Variants in MYO16 observed in about 807,000 individuals in gnomAD.
MYO16 encodes the protein myosin XVI.
MYO16 carries 94 observed loss-of-function variants against 205.3 expected under a neutral mutation model. The observed-to-expected ratio is 0.46, with a 90% confidence interval of 0.39 to 0.54. The LOEUF is 0.54. Among genes scored for constraint, MYO16 ranks in the 20% least tolerant of loss-of-function variants. The pLI is 0.00. For missense variants in MYO16, 2,315 were observed against 2,387.5 expected (o/e 0.97, Z 0.63); for synonymous variants, 988 against 954.0 (o/e 1.04, Z -0.66).
intron 16 of MYO16, among the ~76,000 whole-genome samples, chr13:108,934,386 G>A (rs7139766): frequency 0.088 from 13,453 of 152,014 alleles, 852 homozygotes; most frequent in African/African-American, 0.16. Context: ...GGCTGCTTGG[G>A]TGTCATCGTT....
intron 1 of MYO16, among the ~76,000 whole-genome samples, chr13:108,655,631 TG>T (rs1331548467): frequency 6.6e-6 from 1 of 151,940 alleles, no homozygotes; most frequent in Non-Finnish European, 1.5e-5. Flanking sequence ...ACCACACACC[TG>T]GAAAAGTCGC....
chr13:108,602,525 A>G (rs1226630527), intron 1 of MYO16, among the ~76,000 whole-genome samples: 2 of 152,176 alleles, frequency 1.3e-5, no homozygotes, highest in Non-Finnish European at 2.9e-5. Flanking sequence ...CAACATAGTC[A>G]TAGAATATGT....
chr13:109,017,631 T>A (rs1473061445), intron 22 of MYO16, among the ~76,000 whole-genome samples: 1 of 152,204 alleles, frequency 6.6e-6, no homozygotes, highest in Non-Finnish European at 1.5e-5. Context: ...TGTCACATAG[T>A]CCCATATTTT....
chr13:109,026,105 C>T (rs1222518300), intron 23 of MYO16, among the ~76,000 whole-genome samples: 1 of 152,206 alleles, frequency 6.6e-6, no homozygotes, highest in East Asian at 1.9e-4. Context: ...GATGATGCAT[C>T]CCTGTTTCAG....
chr13:108,906,870 G>A (rs1168276035), intron 15 of MYO16, among the ~76,000 whole-genome samples: 4 of 152,166 alleles, frequency 2.6e-5, no homozygotes, highest in Non-Finnish European at 5.9e-5. Flanking sequence ...AGTAGGATCC[G>A]TCATTTGACT....
chr13:108,917,187 C>T (rs11069754), intron 16 of MYO16, among the ~76,000 whole-genome samples: 47,570 of 151,982 alleles, frequency 0.31, 7,986 homozygotes, highest in Non-Finnish European at 0.37. Flanking sequence ...TGCCCTAGGC[C>T]CCCTAACTTA....
At chr13:108,733,103 G>A (rs983819633) in intron 4 of MYO16, among the ~76,000 whole-genome samples, 5 of 152,138 alleles carry the variant, frequency 3.3e-5, no homozygotes, top group African/African-American at 1.2e-4. Context: ...TGATTTGTGA[G>A]GTGATTTATT....
intron 23 of MYO16, among the ~76,000 whole-genome samples, chr13:109,041,260 T>A (rs1886875291): frequency 6.6e-6 from 1 of 152,180 alleles, no homozygotes; most frequent in Admixed American, 6.5e-5. Flanking sequence ...CAATATAGTG[T>A]CAATTTAATA....
At chr13:108,886,451 G>A (rs1369970579) in intron 13 of MYO16, 5 of 456,064 alleles carry the variant, frequency 1.1e-5, no homozygotes, top group Non-Finnish European at 2.2e-5. Flanking sequence ...TGAGGCGTGC[G>A]GACACGAGAG....
chr13:108,837,795 C>A (rs993112040), intron 9 of MYO16, among the ~76,000 whole-genome samples: 3 of 152,148 alleles, frequency 2.0e-5, no homozygotes, highest in African/African-American at 7.2e-5. Context: ...AGGAATATTT[C>A]AACTATTTTA....
chr13:108,706,605 G>T (rs796914501), intron 2 of MYO16, among the ~76,000 whole-genome samples: 23 of 152,224 alleles, frequency 1.5e-4, no homozygotes, highest in African/African-American at 5.5e-4. Flanking sequence ...AGGTAAGATT[G>T]TTTTCTATTT....
At chr13:108,725,049 T>G (rs17385205) in intron 3 of MYO16, among the ~76,000 whole-genome samples, 37,346 of 152,020 alleles carry the variant, frequency 0.25, 5,664 homozygotes, top group African/African-American at 0.44. Flanking sequence ...CTGCTTTGGA[T>G]TTCATTCATC....
chr13:108,962,349 A>C, intron 18 of MYO16, 75 bp from the exon 19 acceptor site: 1 of 1,167,692 alleles, frequency 8.6e-7, no homozygotes, highest in Non-Finnish European at 1.3e-6. Flanking sequence ...CTTATCAATT[A>C]TGGCCATAAA....
intron 27 of MYO16, among the ~76,000 whole-genome samples, chr13:109,099,252 C>T (rs1169828995): frequency 6.6e-6 from 1 of 152,162 alleles, no homozygotes; most frequent in Non-Finnish European, 1.5e-5. Flanking sequence ...GAAAATCGCT[C>T]AAATTTGCTT....
intron 7 of MYO16, among the ~76,000 whole-genome samples, chr13:108,818,120 A>C (rs1330782292): frequency 6.6e-6 from 1 of 152,164 alleles, no homozygotes; most frequent in Non-Finnish European, 1.5e-5. Context: ...TCGGTGGCTC[A>C]CGCGTGTAAT....
intron 12 of MYO16, among the ~76,000 whole-genome samples, chr13:108,871,358 G>GTGTC (rs1879052589): frequency 7.4e-6 from 1 of 135,292 alleles, no homozygotes; most frequent in Non-Finnish European, 1.6e-5. Context: ...GTGTGTGTGT[G>GTGTC]TGTGTCTGTG....
chr13:108,908,830 T>C (rs946217220), intron 15 of MYO16, among the ~76,000 whole-genome samples: 2 of 151,702 alleles, frequency 1.3e-5, no homozygotes, highest in African/African-American at 4.8e-5. Context: ...AAAAATTAGC[T>C]GGTGTGGTGA....
chr13:108,973,775 T>G (rs1196761294), intron 20 of MYO16, among the ~76,000 whole-genome samples: 1 of 152,220 alleles, frequency 6.6e-6, no homozygotes, highest in East Asian at 1.9e-4. Context: ...AGTGTCTAAA[T>G]GAACATAGAG....
intron 11 of MYO16, among the ~76,000 whole-genome samples, chr13:108,864,981 A>G (rs1273849700): frequency 6.6e-6 from 1 of 152,182 alleles, no homozygotes. Flanking sequence ...TAACACCAGT[A>G]TAATATTCTT....
Sources: allele counts gnomAD v4.1 joint callset (sites outside exome capture counted in the v4.1 genomes callset), GRCh38; gene constraint gnomAD v4.1.1; transcripts MANE v1.5; gene names NCBI Gene and HGNC (gene_info 2026-07-23, HGNC 2026-07-21).